The following THSD7B variants were observed in gnomAD, a reference collection of about 807,000 sequenced individuals.
THSD7B encodes thrombospondin type-1 domain-containing protein 7B.
In THSD7B, 138 loss-of-function variants were observed where a neutral mutation model predicts 213.6. The ratio of observed to expected loss-of-function variants is 0.65; its 90% CI spans 0.56 to 0.74. The LOEUF (loss-of-function observed/expected upper bound fraction) is 0.74. Ranked by LOEUF, THSD7B falls within the 30% of genes least tolerant of loss-of-function variation. The pLI is 0.00. For synonymous variants in THSD7B, 742 were observed against 687.0 expected (o/e 1.08, Z -1.25); for missense variants, 1,931 against 1,991.5 (o/e 0.97, Z 0.58).
At chr2:136,898,579 G>GCCCC (rs112016812) in intron 2 of THSD7B, among the ~76,000 whole-genome samples, 34,139 of 114,312 alleles carry the variant, frequency 0.3, 6,334 homozygotes, top group Non-Finnish European at 0.43. Context: ...TTGTCCCCCC[G>GCCCC]CCCCCCCGCC....
chr2:137,340,630 A>G (rs1286951337), intron 12 of THSD7B, among the ~76,000 whole-genome samples: 5 of 151,722 alleles, frequency 3.3e-5, no homozygotes, highest in African/African-American at 7.3e-5. Context: ...TTCTGTTTCT[A>G]TGGGTTCAAT....
chr2:137,190,616 CT>C (rs1478854671), intron 7 of THSD7B, among the ~76,000 whole-genome samples: 3 of 152,164 alleles, frequency 2.0e-5, no homozygotes, highest in African/African-American at 7.2e-5. Context: ...TCTGGTCATC[CT>C]TTCCTGGGCT....
chr2:136,923,194 A>C (rs940844231), intron 2 of THSD7B, among the ~76,000 whole-genome samples: 1 of 152,180 alleles, frequency 6.6e-6, no homozygotes, highest in Non-Finnish European at 1.5e-5. Flanking sequence ...ACTTCATATG[A>C]GTGGAATCAT....
intron 2 of THSD7B, among the ~76,000 whole-genome samples, chr2:136,979,439 A>T (rs1231478496): frequency 6.6e-6 from 1 of 152,062 alleles, no homozygotes; most frequent in African/African-American, 2.4e-5. Context: ...AGTCAATCAT[A>T]GGTTCTATCT....
At chr2:137,195,731 G>A (rs1364633443) in intron 7 of THSD7B, among the ~76,000 whole-genome samples, 1 of 151,986 alleles carries the variant, frequency 6.6e-6, no homozygotes, top group Non-Finnish European at 1.5e-5. Flanking sequence ...AATATCAAAT[G>A]AATAATGGAA....
At chr2:137,539,998 C>T (rs1005734293) in intron 15 of THSD7B, among the ~76,000 whole-genome samples, 1 of 151,438 alleles carries the variant, frequency 6.6e-6, no homozygotes, top group Non-Finnish European at 1.5e-5. Context: ...CTTGGTCACA[C>T]AATATAAAAA....
At chr2:137,390,501 T>C (rs1685997246) in intron 12 of THSD7B, among the ~76,000 whole-genome samples, 1 of 152,182 alleles carries the variant, frequency 6.6e-6, no homozygotes, top group South Asian at 2.1e-4. Flanking sequence ...TTTGACATCT[T>C]TTTCAATTTG....
intron 2 of THSD7B, among the ~76,000 whole-genome samples, chr2:137,010,914 A>G (rs1686218892): frequency 6.6e-6 from 1 of 152,212 alleles, no homozygotes; most frequent in African/African-American, 2.4e-5. Context: ...TATATAGCAC[A>G]ATGGGATGAG....
At chr2:137,286,354 T>C (rs1333978071) in intron 12 of THSD7B, among the ~76,000 whole-genome samples, 1 of 151,982 alleles carries the variant, frequency 6.6e-6, no homozygotes, top group African/African-American at 2.4e-5. Context: ...CACATAGAAA[T>C]ATAGCAAAAA....
chr2:137,485,786 C>T (rs1440721915), intron 15 of THSD7B, among the ~76,000 whole-genome samples: 1 of 152,172 alleles, frequency 6.6e-6, no homozygotes, highest in Non-Finnish European at 1.5e-5. Context: ...ATCAGACTAA[C>T]AGCGGATCTC....
rs145167367 is a variant in THSD7B at position 136,936,756 on chromosome 2, G to A, written c.139+54439G>A. 1.2e-3 allele frequency among the ~76,000 whole-genome samples: 186 copies of A among 152,066 alleles called. 3 individuals carry two copies. Among genetic ancestry groups the A allele is most frequent in the African/African-American group, 4.3e-3 (177 of 41,486 alleles). On this transcript the variant is annotated intron_variant, in intron 2 of 27. Coordinates refer to ENST00000409968, the MANE Select transcript of THSD7B (RefSeq NM_001316349.2). ...GATGATGGATGCACCAAAATCTCAC[G>A]AATCACCACTAAAGAGCTTACTCAT... is the stretch of plus-strand genomic sequence containing the variant.
intron 3 of THSD7B, among the ~76,000 whole-genome samples, chr2:137,080,550 T>C (rs1163381917): frequency 1.2e-4 from 19 of 152,084 alleles, no homozygotes; most frequent in Non-Finnish European, 7.4e-5. Flanking sequence ...TGCATTTTTA[T>C]TTTAGAAGTT....
intron 14 of THSD7B, among the ~76,000 whole-genome samples, chr2:137,447,601 T>C (rs543895101): frequency 6.6e-6 from 1 of 152,244 alleles, no homozygotes; most frequent in South Asian, 2.1e-4. Context: ...AAAATTAAAA[T>C]TATGTTAGAG....
rs1410697593 is a variant in THSD7B at position 137,056,680 on chromosome 2, G to A, written c.400G>A (p.Ala134Thr). The A allele has an allele frequency of 6.2e-7, 1 of 1,613,970 alleles. No homozygotes were observed. The highest frequency in any genetic ancestry group is 8.5e-7 in the Non-Finnish European group (1 of 1,179,886). ...GCCTCGGACTGCAGAGTGTGTGACG[G>A]CTCAGCATGGACTGCAGCACCGGAT... Reference protein sequence around the residue: ...VKPRTAECVTAQHGLQHRMVR... With the variant: ...VKPRTAECVTTQHGLQHRMVR... Residue 134 changes from alanine (A) to threonine (T), a missense_variant, in exon 3 of 28, where the codon GCT becomes ACT. Transcript: ENST00000409968.
chr2:136,811,772 G>A (rs1328998647), intron 1 of THSD7B, among the ~76,000 whole-genome samples: 2 of 152,072 alleles, frequency 1.3e-5, no homozygotes, highest in Non-Finnish European at 2.9e-5. Context: ...TGATTTCTGG[G>A]TTCTGCTGAA....
chr2:137,363,761 A>T (rs1237583861), intron 12 of THSD7B, among the ~76,000 whole-genome samples: 1 of 152,194 alleles, frequency 6.6e-6, no homozygotes, highest in East Asian at 1.9e-4. Context: ...ATACCAACCA[A>T]AAAGAGTCCA....
intron 12 of THSD7B, among the ~76,000 whole-genome samples, chr2:137,339,753 C>T (rs1265679576): frequency 6.6e-6 from 1 of 151,872 alleles, no homozygotes; most frequent in Non-Finnish European, 1.5e-5. Context: ...TGTTTTTTCT[C>T]ACTTCCATAT....
intron 25 of THSD7B, among the ~76,000 whole-genome samples, chr2:137,661,823 C>A (rs764543717): frequency 3.3e-5 from 5 of 152,094 alleles, no homozygotes; most frequent in Non-Finnish European, 4.4e-5. Context: ...GCATAGTGGC[C>A]ATCCACAGTG....
chr2:137,604,138 T>C (rs1378920456), intron 17 of THSD7B, among the ~76,000 whole-genome samples: 1 of 151,824 alleles, frequency 6.6e-6, no homozygotes, highest in African/African-American at 2.4e-5. Flanking sequence ...AACAACTCAA[T>C]CAGATTCCTA....
Sources: gnomAD v4.1 joint callset for allele counts (sites outside exome capture counted in the v4.1 genomes callset) on GRCh38, gnomAD v4.1.1 for gene constraint, MANE v1.5 for transcripts, NCBI Gene and HGNC (gene_info 2026-07-23, HGNC 2026-07-21) for gene names.